The following TENM2 variants were observed in gnomAD, a reference collection of about 807,000 sequenced individuals.
The protein encoded by TENM2 is teneurin-2.
TENM2 carries 52 observed loss-of-function variants against 245.2 expected under a neutral mutation model. The observed-to-expected ratio is 0.21, with a 90% CI of 0.17 to 0.27. TENM2 has a LOEUF of 0.27. Ranked by LOEUF, TENM2 falls within the 10% of genes least tolerant of loss-of-function variation. The probability of loss-of-function intolerance (pLI) is 1.00; values close to 1 mark genes in which losing one functional copy is unlikely to be tolerated. For missense variants in TENM2, 3,046 were observed against 3,666.8 expected, an observed-to-expected ratio of 0.83 and a Z score of 4.37; for synonymous variants, 1,363 against 1,438.9, an observed-to-expected ratio of 0.95 and a Z score of 1.19.
At chr5:167,675,613 G>T (rs1205309270) in intron 2 of TENM2, among the ~76,000 whole-genome samples, 2 of 152,174 alleles carry the variant, frequency 1.3e-5, no homozygotes, top group Non-Finnish European at 1.5e-5. Context: ...GACTTTATAT[G>T]GGAGGTAGTC....
intron 7 of TENM2, among the ~76,000 whole-genome samples, chr5:168,074,841 C>T (rs1251107835): frequency 2.0e-5 from 3 of 152,194 alleles, no homozygotes; most frequent in African/African-American, 7.2e-5. Flanking sequence ...TCCTGACAAG[C>T]GAATCTACAA....
chr5:167,372,068 T>A (rs1453572932), intron 1 of TENM2, among the ~76,000 whole-genome samples: 3 of 152,010 alleles, frequency 2.0e-5, no homozygotes, highest in African/African-American at 7.3e-5. Flanking sequence ...TGTTGGAAAG[T>A]GAAGATGAAA....
At chr5:166,993,126 A>G in the TENM2 span, among the ~76,000 whole-genome samples, 2 of 151,854 alleles carry the variant, frequency 1.3e-5, no homozygotes, top group Admixed American at 6.6e-5. Context: ...GCAACTTGCT[A>G]TTTTGAAATT....
At chr5:167,975,866 A>C in intron 4 of TENM2, among the ~76,000 whole-genome samples, 1 of 151,588 alleles carries the variant, frequency 6.6e-6, no homozygotes, top group Non-Finnish European at 1.5e-5. Flanking sequence ...CCAAACTTAA[A>C]TGCTTGAAAT....
chr5:168,100,524 C>T (rs933043912), intron 9 of TENM2, among the ~76,000 whole-genome samples: 3 of 152,144 alleles, frequency 2.0e-5, no homozygotes, highest in Non-Finnish European at 4.4e-5. Context: ...GTAAATGTGG[C>T]ACATATACAC....
At chr5:168,084,678 A>G (rs183613672) in intron 7 of TENM2, among the ~76,000 whole-genome samples, 4 of 152,320 alleles carry the variant, frequency 2.6e-5, no homozygotes, top group African/African-American at 9.6e-5. Context: ...AGGAACAGAG[A>G]GAAGAGCAGT....
chr5:167,861,429 A>C (rs925428999), intron 2 of TENM2, among the ~76,000 whole-genome samples: 1 of 152,200 alleles, frequency 6.6e-6, no homozygotes, highest in African/African-American at 2.4e-5. Flanking sequence ...AACGTCTACA[A>C]AGAAGCTTTG....
At chr5:168,041,128 T>C (rs1217661657) in intron 5 of TENM2, among the ~76,000 whole-genome samples, 1 of 152,218 alleles carries the variant, frequency 6.6e-6, no homozygotes, top group African/African-American at 2.4e-5. Context: ...GAACTCTGAA[T>C]GGAGTCTCTA....
At chr5:168,051,571 C>T (rs746687472) in intron 6 of TENM2, among the ~76,000 whole-genome samples, 1 of 152,192 alleles carries the variant, frequency 6.6e-6, no homozygotes, top group African/African-American at 2.4e-5. Context: ...GAAGATCAAA[C>T]TCCCAATACA....
chr5:167,619,555 A>G lies in TENM2; in HGVS notation c.502+244082A>G, dbSNP rs559272623. Among the ~76,000 whole-genome samples the G allele has an allele frequency of 1.9e-4, 29 of 152,216 alleles. No homozygotes were observed. In the South Asian group the frequency reaches 4.6e-3, roughly 24 times the overall value. On this transcript the variant is annotated intron_variant, in intron 2 of 28. Coordinates refer to ENST00000518659, the Ensembl canonical transcript of TENM2. ...CCAGCTCTGTTCTTTTAAGAAAGTTATTTAGCATCCCCTACATTCCCTCAT... is the reference window on the plus strand; with the variant it reads ...CCAGCTCTGTTCTTTTAAGAAAGTTGTTTAGCATCCCCTACATTCCCTCAT...
intron 2 of TENM2, among the ~76,000 whole-genome samples, chr5:167,782,313 C>CAAAAAAAAAA (rs767675565): frequency 1.7e-4 from 10 of 58,754 alleles, no homozygotes; most frequent in East Asian, 4.0e-4. Context: ...AACTCTGTCT[C>CAAAAAAAAAA]AAAAAAAAAA....
the TENM2 span, among the ~76,000 whole-genome samples, chr5:167,269,997 C>T: frequency 1.3e-5 from 2 of 152,066 alleles, no homozygotes; most frequent in Non-Finnish European, 2.9e-5. Context: ...GTCATTTCTC[C>T]TTATCATATA....
At chr5:167,930,111 C>T (rs1230780280) in intron 3 of TENM2, among the ~76,000 whole-genome samples, 2 of 152,158 alleles carry the variant, frequency 1.3e-5, no homozygotes, top group Admixed American at 6.5e-5. Flanking sequence ...CCAGGGAAAT[C>T]GCAGTTTTTA....
chr5:167,710,852 G>C (rs928361972), intron 2 of TENM2, among the ~76,000 whole-genome samples: 14 of 152,196 alleles, frequency 9.2e-5, no homozygotes, highest in African/African-American at 3.4e-4. Context: ...CAAGCTGGGA[G>C]ACAGGGAGAC....
chr5:168,031,733 G>A (rs1787163529), intron 5 of TENM2, among the ~76,000 whole-genome samples: 1 of 146,486 alleles, frequency 6.8e-6, no homozygotes, highest in Non-Finnish European at 1.5e-5. Flanking sequence ...GCAAGGGAAG[G>A]AAGGAGTGAG....
chr5:168,097,938 G>A (rs1249533213), intron 8 of TENM2, 88 bp from the exon 11 acceptor site: 1 of 878,120 alleles, frequency 1.1e-6, no homozygotes, highest in African/African-American at 1.7e-5. Context: ...ACTACCACTG[G>A]TCTTTAAAAG....
At chr5:167,795,252 T>A (rs1460595026) in intron 2 of TENM2, among the ~76,000 whole-genome samples, 1 of 152,132 alleles carries the variant, frequency 6.6e-6, no homozygotes, top group Admixed American at 6.6e-5. Flanking sequence ...GTAGAAAGAT[T>A]AATGTGGTCA....
chr5:167,108,533 CA>C, the TENM2 span, among the ~76,000 whole-genome samples: 1 of 152,184 alleles, frequency 6.6e-6, no homozygotes, highest in Non-Finnish European at 1.5e-5. Context: ...ATTTTTAATC[CA>C]GTAACATTAT....
At chr5:168,042,749 A>G (rs761746519) in intron 5 of TENM2, among the ~76,000 whole-genome samples, 3 of 152,178 alleles carry the variant, frequency 2.0e-5, no homozygotes, top group African/African-American at 4.8e-5. Flanking sequence ...TCCTTACTGA[A>G]ATCGGGGATC....
Sources: allele counts gnomAD v4.1 joint callset (sites outside exome capture counted in the v4.1 genomes callset), GRCh38; gene constraint gnomAD v4.1.1; transcripts MANE v1.5; gene names NCBI Gene and HGNC (gene_info 2026-07-23, HGNC 2026-07-21).